COL11A1: variants seen among roughly 807,000 people sequenced by gnomAD.
COL11A1 encodes the protein collagen type XI alpha 1 chain, also known as collagen alpha-1(XI) chain.
A neutral mutation model predicts 265.2 loss-of-function variants in COL11A1; 74 were observed. The ratio of observed to expected loss-of-function variants is 0.28; its 90% CI spans 0.23 to 0.34. The LOEUF is 0.34. COL11A1 is among the 10% of genes least tolerant of loss of function. COL11A1 has a pLI of 1.00. For missense variants in COL11A1, 2,165 were observed against 2,263.6 expected, an observed-to-expected ratio of 0.96 and a Z score of 0.88; for synonymous variants, 816 against 727.6, an observed-to-expected ratio of 1.12 and a Z score of -1.96.
Position 102,877,714 on chromosome 1 carries a change from A to G in COL11A1, c.*305T>C, listed in dbSNP as rs558834822. ...TGAGCACCATATTTTTTATGAATAT[A>G]TATTTTTCTTTTTTTGTTTTCTACA... On this transcript the variant is annotated 3_prime_UTR_variant, in exon 67 of 67. Coordinates refer to ENST00000370096, the MANE Select transcript of COL11A1 (RefSeq NM_001854.4). 1.5e-4 allele frequency: 45 copies of G among 309,546 alleles called. No homozygotes were observed. In the South Asian group the frequency reaches 1.6e-3, roughly 11 times the overall value. The allele number at this position is 309,546 out of a possible 1,614,324, so 19.2% of individuals were successfully genotyped here. A position where few individuals can be genotyped will look rare whatever the true frequency, so the allele number is the denominator to read the frequency against.
chr1:103,029,937 A>C (rs1182757731), intron 5 of COL11A1, among the ~76,000 whole-genome samples: 1 of 152,074 alleles, frequency 6.6e-6, no homozygotes, highest in Non-Finnish European at 1.5e-5. Context: ...AAAAAGAATA[A>C]TATGCCTTAT....
At chr1:102,966,576 A>G (rs922121117) in intron 37 of COL11A1, among the ~76,000 whole-genome samples, 1 of 152,210 alleles carries the variant, frequency 6.6e-6, no homozygotes, top group Non-Finnish European at 1.5e-5. Flanking sequence ...AGCTATCATT[A>G]TGAATAGCAA....
At chr1:102,915,549 A>G (rs1655239611) in intron 50 of COL11A1, 82 bp downstream of exon 50, 3 of 1,183,348 alleles carry the variant, frequency 2.5e-6, no homozygotes, top group African/African-American at 3.0e-5. Context: ...AACCACAGCT[A>G]AGAGTTGTTA....
At chr1:103,082,579 G>A (rs1672498815) in intron 2 of COL11A1, among the ~76,000 whole-genome samples, 1 of 151,996 alleles carries the variant, frequency 6.6e-6, no homozygotes, top group African/African-American at 2.4e-5. Flanking sequence ...GTTGAATTAA[G>A]ACTGGCAATT....
intron 1 of COL11A1, among the ~76,000 whole-genome samples, chr1:103,088,912 T>A (rs932452938): frequency 6.6e-6 from 1 of 152,210 alleles, no homozygotes; most frequent in Non-Finnish European, 1.5e-5. Flanking sequence ...AGAAAAATCA[T>A]ATCTTCATCA....
chr1:102,954,495 A>G (rs1431306448), intron 41 of COL11A1, among the ~76,000 whole-genome samples: 1 of 152,220 alleles, frequency 6.6e-6, no homozygotes, highest in Non-Finnish European at 1.5e-5. Context: ...TAAAGTGCTT[A>G]CAAACCAGAG....
chr1:102,945,251 T>C (rs560987341), intron 42 of COL11A1, among the ~76,000 whole-genome samples: 2,548 of 87,434 alleles, frequency 0.029, 37 homozygotes, highest in Non-Finnish European at 0.046. Context: ...CTTTTTACTC[T>C]CTCTCTCTCT....
intron 24 of COL11A1, chr1:103,001,302 A>C (rs1404437238): frequency 1.0e-5 from 4 of 396,470 alleles, no homozygotes; most frequent in African/African-American, 4.1e-5. Context: ...TTTTTTAATT[A>C]ATATGTTTGT....
At chr1:102,920,587 T>C (rs1655874094) in intron 48 of COL11A1, among the ~76,000 whole-genome samples, 1 of 152,192 alleles carries the variant, frequency 6.6e-6, no homozygotes, top group Non-Finnish European at 1.5e-5. Flanking sequence ...ATTTTGAAGA[T>C]AAAGCAGGAG....
Position 102,997,066 on chromosome 1 carries a change from A to G in COL11A1, c.2241+14T>C. ...TTATTAATAGGACATTTAAATGGAT[A>G]CTTTGGAACCTACCAGAGCCCCCTT... On this transcript the variant is annotated intron_variant, in intron 26 of 66. Coordinates refer to ENST00000370096, the MANE Select transcript of COL11A1 (RefSeq NM_001854.4). The G allele has an allele frequency of 6.2e-7, 1 of 1,610,250 alleles. No homozygotes were observed. Among genetic ancestry groups the G allele is most frequent in the Non-Finnish European group, 8.5e-7 (1 of 1,176,912 alleles).
chr1:102,974,736 T>C (rs1662299501), intron 36 of COL11A1, 94 bp downstream of exon 36: 1 of 898,266 alleles, frequency 1.1e-6, no homozygotes, highest in Non-Finnish European at 1.8e-6. Context: ...ATTTTATCAA[T>C]ATTATATCTA....
intron 41 of COL11A1, among the ~76,000 whole-genome samples, chr1:102,961,322 T>C (rs1660885528): frequency 6.6e-6 from 1 of 152,222 alleles, no homozygotes; most frequent in Non-Finnish European, 1.5e-5. Flanking sequence ...AATGTTTTGA[T>C]TAAATAAAGC....
intron 57 of COL11A1, 22 bp downstream of exon 57, chr1:102,898,103 T>C: frequency 6.5e-7 from 1 of 1,527,436 alleles, no homozygotes; most frequent in South Asian, 1.2e-5. Flanking sequence ...ACTTTTTAAA[T>C]GACTGAAAAG....
At chr1:103,042,818 G>A (rs1283847614) in intron 4 of COL11A1, among the ~76,000 whole-genome samples, 2 of 151,634 alleles carry the variant, frequency 1.3e-5, no homozygotes, top group Admixed American at 6.6e-5. Flanking sequence ...TACCTGAAGA[G>A]AGTTCTGTTT....
intron 4 of COL11A1, among the ~76,000 whole-genome samples, chr1:103,058,863 A>C (rs1670438431): frequency 1.3e-5 from 2 of 152,244 alleles, no homozygotes; most frequent in South Asian, 4.1e-4. Context: ...TGACATTTCA[A>C]ATCTTTTCAT....
At chr1:102,934,326 T>TAAACATTGTACCCAAGTTCTTACGTA in intron 46 of COL11A1, 123 bp downstream of exon 46, 1 of 687,104 alleles carries the variant, frequency 1.5e-6, no homozygotes, top group Non-Finnish European at 2.6e-6. Context: ...TCTTTATGGA[T>TAAACATTGTACCCAAGTTCTTACGTA]AAACATTGTA....
intron 4 of COL11A1, among the ~76,000 whole-genome samples, chr1:103,049,374 G>C (rs557363232): frequency 5.9e-5 from 9 of 152,154 alleles, no homozygotes; most frequent in Middle Eastern, 3.4e-3. Flanking sequence ...TGTCTCTTTT[G>C]ATCTTTGTTG....
intron 4 of COL11A1, among the ~76,000 whole-genome samples, chr1:103,065,535 A>AAG (rs1671051155): frequency 8.0e-6 from 1 of 125,158 alleles, no homozygotes; most frequent in Non-Finnish European, 1.6e-5. Context: ...AAAAAAAAAA[A>AAG]AAAAAAAAAA....
At chr1:103,053,961 G>T (rs2102153610) in intron 4 of COL11A1, among the ~76,000 whole-genome samples, 1 of 152,258 alleles carries the variant, frequency 6.6e-6, no homozygotes, top group South Asian at 2.1e-4. Context: ...CAACATGTTT[G>T]TGAATGCAGT....
Sources: gnomAD v4.1 joint callset for allele counts (sites outside exome capture counted in the v4.1 genomes callset) on GRCh38, gnomAD v4.1.1 for gene constraint, MANE v1.5 for transcripts, NCBI Gene and HGNC (gene_info 2026-07-23, HGNC 2026-07-21) for gene names.